The following WNK1 variants were observed in gnomAD, a reference collection of about 807,000 sequenced individuals.
WNK1 encodes the protein WNK lysine deficient protein kinase 1, also known as serine/threonine-protein kinase WNK1.
A neutral mutation model predicts 222.8 loss-of-function variants in WNK1; 38 were observed. The ratio of observed to expected loss-of-function variants is 0.17; its 90% confidence interval spans 0.13 to 0.22. The LOEUF is 0.22. Ranked by LOEUF, WNK1 falls within the 10% of genes least tolerant of loss-of-function variation. The pLI, the probability that WNK1 is intolerant of heterozygous loss-of-function variation, is 1.00. For synonymous variants in WNK1, 1,090 were observed against 1,092.9 expected, an observed-to-expected ratio of 1.00 and a Z score of 0.05; for missense variants, 2,348 against 2,918.4, an observed-to-expected ratio of 0.80 and a Z score of 4.50.
chr12:785,400 C>CT (rs1412493155), intron 1 of WNK1, among the ~76,000 whole-genome samples: 2 of 31,230 alleles, frequency 6.4e-5, no homozygotes, highest in African/African-American at 3.1e-4. Flanking sequence ...TCATTTTCTC[C>CT]CCCCCCCCCA....
chr12:853,144 C>CAGT (rs1485453893), intron 4 of WNK1, among the ~76,000 whole-genome samples: 1 of 151,986 alleles, frequency 6.6e-6, no homozygotes, highest in Non-Finnish European at 1.5e-5. Context: ...TTTTTTAAGG[C>CAGT]AGTAGTAGTA....
intron 8 of WNK1, chr12:868,048 A>T (rs1323304764): frequency 2.5e-6 from 4 of 1,613,828 alleles, no homozygotes; most frequent in Non-Finnish European, 2.5e-6. Flanking sequence ...ACCACTTCCA[A>T]CCCCTGCTGA....
chr12:882,785 T>C (rs1436190173), intron 14 of WNK1, among the ~76,000 whole-genome samples, 158 bp from the exon 15 acceptor site: 1 of 152,256 alleles, frequency 6.6e-6, no homozygotes, highest in East Asian at 1.9e-4. Context: ...TTTTTCTTGC[T>C]ACCAGTTTAA....
At chr12:894,731 G>A (rs1300903320) in intron 23 of WNK1, 96 bp downstream of exon 23, 3 of 1,135,348 alleles carry the variant, frequency 2.6e-6, no homozygotes, top group Non-Finnish European at 4.0e-6. Context: ...ACAATTGCCA[G>A]TCTAGTGATT....
intron 4 of WNK1, among the ~76,000 whole-genome samples, chr12:839,053 A>G (rs914064004): frequency 3.9e-5 from 6 of 152,234 alleles, no homozygotes; most frequent in Non-Finnish European, 7.3e-5. Flanking sequence ...AACAGTTACA[A>G]TACAATAGAA....
intron 19 of WNK1, among the ~76,000 whole-genome samples, chr12:886,665 C>T (rs966536834): frequency 6.6e-6 from 1 of 152,182 alleles, no homozygotes; most frequent in Non-Finnish European, 1.5e-5. Flanking sequence ...GGCTGTGTTA[C>T]GTCTACTGTA....
intron 8 of WNK1, chr12:867,727 G>A (rs1951794098): frequency 8.2e-6 from 8 of 970,840 alleles, no homozygotes; most frequent in Non-Finnish European, 1.2e-5. Flanking sequence ...ATAATTTCCA[G>A]AAGCATTGTT....
At chr12:774,043 C>G (rs1264502604) in intron 1 of WNK1, among the ~76,000 whole-genome samples, 1 of 152,184 alleles carries the variant, frequency 6.6e-6, no homozygotes, top group African/African-American at 2.4e-5. Context: ...AAATCCCCCT[C>G]CCTCTAATCC....
At chr12:888,997 GTA>G in intron 20 of WNK1, 141 bp from the exon 21 acceptor site, 2 of 740,978 alleles carry the variant, frequency 2.7e-6, no homozygotes. Context: ...CTAAATTTGA[GTA>G]TAGTTTTGTA....
intron 22 of WNK1, among the ~76,000 whole-genome samples, chr12:893,681 G>C (rs893923702): frequency 6.6e-6 from 1 of 151,842 alleles, no homozygotes. Context: ...AAATTAGTCG[G>C]GTGTGGTGGT....
At chr12:839,665 T>C (rs1383412427) in intron 4 of WNK1, among the ~76,000 whole-genome samples, 1 of 152,146 alleles carries the variant, frequency 6.6e-6, no homozygotes, top group Non-Finnish European at 1.5e-5. Context: ...TTGGGGACTA[T>C]AAAATTTATA....
At position 753,847 on chromosome 12, in the gene WNK1, G is replaced by A; in HGVS notation, c.282G>A (p.Glu94=). ...GTGACTCCAATGCCACTGCACTGGA[G>A]CTTCCCGGCCTTCCTCTTTCCCTGC... is the stretch of plus-strand genomic sequence containing the variant. ...VICDSNATAL[E]LPGLPLSLPQ... is the part of the protein sequence containing the mutation. Residue 94 remains glutamate, a synonymous_variant, in exon 1 of 28, where the codon GAG becomes GAA. Coordinates refer to ENST00000315939, the MANE Select transcript of WNK1 (RefSeq NM_018979.4). This position sits in a 1 kb window ranked among gnomAD's most constrained non-coding sequence, Gnocchi z 5.2. 1 of 1,612,644 alleles carries A rather than the reference G, an allele frequency of 6.2e-7. No homozygotes were observed. Among genetic ancestry groups the A allele is most frequent in the Non-Finnish European group, 8.5e-7 (1 of 1,179,938 alleles).
intron 4 of WNK1, among the ~76,000 whole-genome samples, chr12:831,542 A>C (rs1948794276): frequency 6.6e-6 from 1 of 152,130 alleles, no homozygotes; most frequent in African/African-American, 2.4e-5. Flanking sequence ...TGTCTCAAAA[A>C]AAAAAAAAAA....
chr12:894,549 G>A lies in WNK1; in HGVS notation c.5510-13G>A, dbSNP rs372263017. On this transcript the variant is annotated splice_polypyrimidine_tract_variant and intron_variant, in intron 22 of 27. Transcript: ENST00000315939. The stretch of plus-strand genomic sequence containing the variant: ...AGACACTTATGTTTTCCTCATCCAT[G>A]TATTTGTTTCAGTTTCTCAAGTCAA... The A allele has an allele frequency of 4.4e-5, 71 of 1,611,148 alleles. No homozygotes were observed. In the African/African-American group the frequency reaches 9.5e-4, roughly 21 times the overall value.
At chr12:801,815 G>A (rs926599657) in intron 1 of WNK1, among the ~76,000 whole-genome samples, 1 of 152,192 alleles carries the variant, frequency 6.6e-6, no homozygotes, top group African/African-American at 2.4e-5. Flanking sequence ...AACTCTGGGA[G>A]TAAGTGGTAC....
rs955738144 is a variant in WNK1, at chr12:911,189, T to TAATA, written c.*2398_*2401dup. On this transcript the variant is annotated 3_prime_UTR_variant, in exon 28 of 28. Coordinates refer to ENST00000315939, the MANE Select transcript of WNK1 (RefSeq NM_018979.4). ...TGAACTGTTTAAATTATTTTTGTGT[T>TAATA]AATAGTACACTTTGAGTATCTTTTT... The TAATA allele has an allele frequency of 5.1e-4, 204 of 397,932 alleles. No individual in the cohort carries two copies. The highest frequency in any genetic ancestry group is 3.6e-3 in the African/African-American group (177 of 48,754). The allele number at this position is 397,932 out of a possible 1,614,324, so 24.7% of individuals were successfully genotyped here. A position where few individuals can be genotyped will look rare whatever the true frequency, so the allele number is the denominator to read the frequency against.
intron 1 of WNK1, among the ~76,000 whole-genome samples, chr12:804,412 G>T (rs1238325001): frequency 2.0e-5 from 3 of 150,964 alleles, no homozygotes; most frequent in Non-Finnish European, 2.9e-5. Flanking sequence ...ATCCCAAACT[G>T]AAAGTTTTTT....
chr12:906,503 G>A (rs1197537739), intron 26 of WNK1: 3 of 985,124 alleles, frequency 3.0e-6, no homozygotes, highest in Non-Finnish European at 3.6e-6. Flanking sequence ...GGGGAGAAGC[G>A]GTGGGAATCC....
At chr12:865,468 G>C (rs1483101726) in intron 8 of WNK1, 10 of 1,392,810 alleles carry the variant, frequency 7.2e-6, no homozygotes, top group Non-Finnish European at 9.5e-6. Context: ...GACTAAACTT[G>C]GTTATATTAT....
Sources: gnomAD v4.1 joint callset for allele counts (sites outside exome capture counted in the v4.1 genomes callset) on GRCh38, gnomAD v4.1.1 for gene constraint, Gnocchi (gnomAD v3.1) non-coding constraint, MANE v1.5 for transcripts, NCBI Gene and HGNC (gene_info 2026-07-23, HGNC 2026-07-21) for gene names.